Variants in RNF152 observed in about 807,000 individuals in gnomAD.
RNF152 encodes the protein ring finger protein 152.
A neutral mutation model predicts 12.7 loss-of-function variants in RNF152; 11 were observed. That is an observed-to-expected ratio of 0.86 (90% confidence interval 0.54 to 1.43). The LOEUF (loss-of-function observed/expected upper bound fraction) is 1.43, where lower values mean the gene tolerates loss of function less well. Among genes scored for constraint, RNF152 ranks in the 40% most tolerant of loss-of-function variants. The pLI is 0.00. For missense variants in RNF152, 255 were observed against 274.8 expected, an observed-to-expected ratio of 0.93 and a Z score of 0.51; for synonymous variants, 113 against 120.3, an observed-to-expected ratio of 0.94 and a Z score of 0.40.
intron 1 of RNF152, among the ~76,000 whole-genome samples, chr18:61,891,483 T>C: frequency 6.6e-6 from 1 of 152,228 alleles, no homozygotes; most frequent in East Asian, 1.9e-4. Context: ...ACATTCCCTA[T>C]TATCCCATCA....
At position 61,815,546 on chromosome 18, in the gene RNF152, T is replaced by C. The variant is rs1909023231; in HGVS notation, c.*306A>G. On this transcript the variant is annotated 3_prime_UTR_variant, in exon 2 of 2. Transcript: ENST00000312828. ...TGTACAGTTTAACGTCTAAGTAGAA[T>C]ATGTCTATCTTGTAACATGATTTTG... 1 of 334,962 alleles carries C rather than the reference T, an allele frequency of 3.0e-6. No individual in the cohort carries two copies. Among genetic ancestry groups the C allele is most frequent in the Admixed American group, 4.5e-5 (1 of 22,332 alleles). 20.7% of individuals were successfully genotyped at this position (334,962 alleles called of 1,614,324 possible).
chr18:61,847,054 G>A (rs770252689), intron 1 of RNF152, among the ~76,000 whole-genome samples: 11 of 152,078 alleles, frequency 7.2e-5, no homozygotes, highest in Non-Finnish European at 1.3e-4. Context: ...CAGCCCAGTA[G>A]TGCACATAGT....
At chr18:61,881,579 C>A (rs899944278) in intron 1 of RNF152, among the ~76,000 whole-genome samples, 1 of 152,158 alleles carries the variant, frequency 6.6e-6, no homozygotes, top group Non-Finnish European at 1.5e-5. Context: ...TAGTCAAAGA[C>A]ATGAAATCAA....
chr18:61,824,229 G>A (rs1025740852), intron 1 of RNF152, among the ~76,000 whole-genome samples: 15 of 152,164 alleles, frequency 9.9e-5, no homozygotes, highest in African/African-American at 2.2e-4. Flanking sequence ...TTATTCTGTC[G>A]TTACATAGAT....
In RNF152 at chr18:61,808,168, A is replaced by G. The variant is rs1912780641; in HGVS notation, c.*7684T>C. On this transcript the variant is annotated 3_prime_UTR_variant, in exon 2 of 2. Transcript: ENST00000312828. Reference sequence around the variant, plus strand: ...ACAAAGGACAAGACACCAGTTTGGCATACAAAAATACCATATATTAAAATT... The same window carrying G: ...ACAAAGGACAAGACACCAGTTTGGCGTACAAAAATACCATATATTAAAATT... The G allele has an allele frequency of 1.3e-5, 2 of 152,158 alleles. No homozygotes were observed. Among genetic ancestry groups the G allele is most frequent in the Admixed American group, 1.3e-4 (2 of 15,262 alleles). 9.4% of individuals were successfully genotyped at this position (152,158 alleles called of 1,614,324 possible).
At chr18:61,825,057 A>G (rs1909593932) in intron 1 of RNF152, among the ~76,000 whole-genome samples, 1 of 152,236 alleles carries the variant, frequency 6.6e-6, no homozygotes, top group Non-Finnish European at 1.5e-5. Context: ...AAAGCCAAAG[A>G]GATGAAAAAA....
Position 61,809,347 on chromosome 18 carries a change from G to C in RNF152, c.*6505C>G, listed in dbSNP as rs1187950405. On this transcript the variant is annotated 3_prime_UTR_variant, in exon 2 of 2. Transcript: ENST00000312828. ...TACTGTGTTCTCCCACTATTTAACA[G>C]AGGTATCAACTAGATCCCCTTTAAG... 1 of 152,128 alleles carries C rather than the reference G, an allele frequency of 6.6e-6. No individual in the cohort carries two copies. The highest frequency in any genetic ancestry group is 2.4e-5 in the African/African-American group (1 of 41,410). The allele number at this position is 152,128 out of a possible 1,614,324, so 9.4% of individuals were successfully genotyped here.
chr18:61,863,022 T>C (rs1009508183), intron 1 of RNF152, among the ~76,000 whole-genome samples: 3 of 152,180 alleles, frequency 2.0e-5, no homozygotes, highest in Admixed American at 6.5e-5. Flanking sequence ...GAGTTTTCCC[T>C]ACACACAGCC....
intron 1 of RNF152, among the ~76,000 whole-genome samples, chr18:61,834,226 T>C (rs745875183): frequency 2.6e-5 from 4 of 152,232 alleles, no homozygotes; most frequent in African/African-American, 9.6e-5. Flanking sequence ...TCTCTTGGGA[T>C]GCTGTCCTTT....
chr18:61,887,565 A>G (rs1912755758), intron 1 of RNF152, among the ~76,000 whole-genome samples: 1 of 152,028 alleles, frequency 6.6e-6, no homozygotes, highest in African/African-American at 2.4e-5. Flanking sequence ...AAAAATAGAA[A>G]AAATTATCCC....
At chr18:61,876,048 C>T (rs1183835368) in intron 1 of RNF152, among the ~76,000 whole-genome samples, 1 of 152,184 alleles carries the variant, frequency 6.6e-6, no homozygotes, top group African/African-American at 2.4e-5. Context: ...TATTCCTACT[C>T]CCATACTCCC....
intron 1 of RNF152, among the ~76,000 whole-genome samples, chr18:61,858,780 T>C (rs1019929818): frequency 6.6e-6 from 1 of 152,196 alleles, no homozygotes; most frequent in Non-Finnish European, 1.5e-5. Flanking sequence ...GCAGTTTGCA[T>C]TCAGCAACCT....
At chr18:61,862,883 G>A (rs1438059915) in intron 1 of RNF152, among the ~76,000 whole-genome samples, 1 of 152,128 alleles carries the variant, frequency 6.6e-6, no homozygotes, top group Non-Finnish European at 1.5e-5. Flanking sequence ...TGGGGACTGA[G>A]CCCTCAATCA....
rs531628746 is a variant in RNF152, at chr18:61,815,619, T to C, written c.*233A>G. On this transcript the variant is annotated 3_prime_UTR_variant, in exon 2 of 2. Transcript: ENST00000312828. ...TTGAATACATGATTATGAGGATGCA[T>C]GCAATCATCTTCCAAGCTGTTGCCA... 2.5e-4 allele frequency: 136 copies of C among 534,650 alleles called. No individual in the cohort carries two copies. The highest frequency in any genetic ancestry group is 4.0e-4 in the Non-Finnish European group (121 of 300,074). The allele number at this position is 534,650 out of a possible 1,614,324, so 33.1% of individuals were successfully genotyped here.
At chr18:61,863,358 C>T (rs1911574537) in intron 1 of RNF152, among the ~76,000 whole-genome samples, 1 of 150,460 alleles carries the variant, frequency 6.6e-6, no homozygotes, top group African/African-American at 2.5e-5. Context: ...TCACTTGAAC[C>T]TGGGAAGTGG....
intron 1 of RNF152, among the ~76,000 whole-genome samples, chr18:61,839,428 G>A (rs537727484): frequency 3.9e-5 from 6 of 152,280 alleles, no homozygotes; most frequent in Admixed American, 3.9e-4. Context: ...TTTGTGTGAT[G>A]TTTTCTCATG....
intron 1 of RNF152, among the ~76,000 whole-genome samples, chr18:61,837,742 A>G (rs1257878189): frequency 6.6e-6 from 1 of 152,202 alleles, no homozygotes; most frequent in Non-Finnish European, 1.5e-5. Flanking sequence ...AGCCCTTTAA[A>G]CAACTTGTGT....
chr18:61,863,407 C>A (rs1358726081), intron 1 of RNF152, among the ~76,000 whole-genome samples: 5 of 148,346 alleles, frequency 3.4e-5, no homozygotes, highest in Non-Finnish European at 7.4e-5. Flanking sequence ...CGCACTCCAG[C>A]CTGGCAACAG....
chr18:61,819,699 A>T (rs1909285354), intron 1 of RNF152, among the ~76,000 whole-genome samples: 2 of 152,158 alleles, frequency 1.3e-5, no homozygotes, highest in Non-Finnish European at 2.9e-5. Flanking sequence ...TGGGGAAGGT[A>T]TTTAAGTTAT....
Sources: gnomAD v4.1 joint callset for allele counts (sites outside exome capture counted in the v4.1 genomes callset) on GRCh38, gnomAD v4.1.1 for gene constraint, MANE v1.5 for transcripts, NCBI Gene and HGNC (gene_info 2026-07-23, HGNC 2026-07-21) for gene names.